Variants in DST observed in about 807,000 individuals in gnomAD.
The protein encoded by DST is dystonin, also known as bullous pemphigoid antigen.
Under a neutral mutation model 875.2 loss-of-function variants are expected in DST, and 253 were observed. That is an observed-to-expected ratio of 0.29 (90% CI 0.26 to 0.32). The LOEUF (loss-of-function observed/expected upper bound fraction) is 0.32. Ranked by LOEUF, DST falls within the 10% of genes least tolerant of loss-of-function variation. The pLI, the probability that DST is intolerant of heterozygous loss-of-function variation, is 1.00. For missense variants in DST, 8,287 were observed against 9,111.6 expected (o/e 0.91, Z 3.68); for synonymous variants, 3,124 against 3,197.1 (o/e 0.98, Z 0.77).
chr6:56,946,050 G>A (rs1432583684), intron 2 of DST, among the ~76,000 whole-genome samples: 2 of 152,134 alleles, frequency 1.3e-5, no homozygotes, highest in South Asian at 2.1e-4. Flanking sequence ...TGTATGGTAC[G>A]TAAATTATAT....
chr6:56,826,542 T>G (rs766195800), intron 4 of DST, among the ~76,000 whole-genome samples: 5 of 152,220 alleles, frequency 3.3e-5, no homozygotes, highest in African/African-American at 4.8e-5. Context: ...TTTTCATAGC[T>G]CTCTCTGTTT....
At chr6:56,501,906 T>C (rs901547635) in intron 78 of DST, among the ~76,000 whole-genome samples, 1 of 152,116 alleles carries the variant, frequency 6.6e-6, no homozygotes, top group African/African-American at 2.4e-5. Flanking sequence ...TTTGGATGGA[T>C]AGATGTTTCT....
In DST at chr6:56,628,016, G is replaced by C. The variant is rs2098748551; in HGVS notation, c.4621C>G (p.Gln1541Glu). ...QPENSKTLAT[Q>E]LNQQKMLVSE... ...TTACATACCTTCTGTTGATTCAACT[G>C]TGTGGCTAGGGTTTTACTATTTTCA... The change falls in exon 33 of 104, where the codon CAG becomes GAG. Residue 1541 changes from glutamine (Q) to glutamate (E), a missense_variant. Around this residue, in one of 10 missense-constraint regions of DST, gnomAD observed 3,138 missense variants for 3,116.6 expected, o/e 1.01. Coordinates refer to ENST00000680361, the MANE Select transcript of DST (RefSeq NM_001374736.1). 3 of 1,613,700 alleles carry C rather than the reference G, an allele frequency of 1.9e-6. No individual in the cohort carries two copies. The highest frequency in any genetic ancestry group is 2.7e-5 in the African/African-American group (2 of 74,900).
At chr6:56,855,904 G>A (rs1305101418) in intron 3 of DST, among the ~76,000 whole-genome samples, 1 of 152,214 alleles carries the variant, frequency 6.6e-6, no homozygotes, top group African/African-American at 2.4e-5. Context: ...GGCATGGGGA[G>A]AAAGTGTGAA....
intron 82 of DST, among the ~76,000 whole-genome samples, chr6:56,495,724 A>G (rs1260866821): frequency 6.6e-6 from 1 of 152,064 alleles, no homozygotes; most frequent in Non-Finnish European, 1.5e-5. Context: ...AAAAACCAAT[A>G]ACGACAACAA....
At chr6:56,946,085 T>C (rs191571631) in intron 2 of DST, among the ~76,000 whole-genome samples, 103 of 152,256 alleles carry the variant, frequency 6.8e-4, no homozygotes, top group African/African-American at 2.2e-3. Flanking sequence ...TTTCTTCTTT[T>C]AAGTAGGCCC....
At chr6:56,677,238 C>G (rs80043103) in intron 9 of DST, among the ~76,000 whole-genome samples, 8,820 of 152,152 alleles carry the variant, frequency 0.058, 809 homozygotes, top group African/African-American at 0.19. Context: ...ATAGAAAATT[C>G]TACAAATGTT....
rs534162068 is a variant in DST, at chr6:56,577,712, G to T, written c.13027+1102C>A. ...AACATATGTCTAATCATCTGTTGTG[G>T]AATATTTTTACTTCACATATTCACA... is the stretch of plus-strand genomic sequence containing the variant. On this transcript the variant is annotated intron_variant, in intron 50 of 103. Transcript: ENST00000680361. 5.5e-4 allele frequency among the ~76,000 whole-genome samples: 83 copies of T among 152,030 alleles called. No individual in the cohort carries two copies. In the Middle Eastern group the frequency reaches 0.014, roughly 25 times the overall value.
rs2097400817 is a variant in DST, at chr6:56,555,590, C to G, written c.14891G>C (p.Ser4964Thr). 4 of 1,614,024 alleles carry G rather than the reference C, an allele frequency of 2.5e-6. No individual in the cohort carries two copies. The highest frequency in any genetic ancestry group is 3.4e-6 in the Non-Finnish European group (4 of 1,179,892). Residue 4964 changes from serine to threonine, a missense_variant, in exon 60 of 104, where the codon AGT becomes ACT. By Grantham distance (58) the Ser-to-Thr change is moderately conservative (BLOSUM62 1). This residue lies in a region of DST where 1,513 missense variants were observed against 1,677.8 expected (regional missense o/e 0.90). Transcript: ENST00000680361. ...GCTGCTGAGTTTATTATCCAAGTCA[C>G]TCAGTTTATCAGAAAGGCTTCTCAG... ...SLLRSLSDKL[S>T]DLDNKLSSSL...
intron 4 of DST, among the ~76,000 whole-genome samples, chr6:56,743,288 T>C (rs900864780): frequency 1.3e-5 from 2 of 151,932 alleles, no homozygotes; most frequent in Middle Eastern, 3.2e-3. Context: ...CAAACAAAAA[T>C]GATCACTACT....
chr6:56,738,512 G>A (rs1439071328), intron 4 of DST, among the ~76,000 whole-genome samples: 7 of 152,066 alleles, frequency 4.6e-5, no homozygotes. Context: ...AGTACAGATG[G>A]GGTTTCACCG....
At chr6:56,511,425 A>G (rs1562471394) in intron 72 of DST, 25 bp from the exon 73 acceptor site, 1 of 1,569,834 alleles carries the variant, frequency 6.4e-7, no homozygotes, top group Non-Finnish European at 8.6e-7. Flanking sequence ...ACAGCTTTTC[A>G]GTATCTCAGG....
chr6:56,807,236 G>T (rs1380506088), intron 4 of DST, among the ~76,000 whole-genome samples: 1 of 152,122 alleles, frequency 6.6e-6, no homozygotes, highest in Non-Finnish European at 1.5e-5. Flanking sequence ...ATGTTGTCCA[G>T]ATTGGTCTTG....
chr6:56,709,913 T>C (rs541692344), intron 5 of DST, among the ~76,000 whole-genome samples: 2 of 152,032 alleles, frequency 1.3e-5, no homozygotes, highest in East Asian at 1.9e-4. Context: ...CAAAACTACA[T>C]ATGAGTTGCA....
At chr6:56,784,492 T>C (rs2152996430) in intron 4 of DST, among the ~76,000 whole-genome samples, 1 of 152,376 alleles carries the variant, frequency 6.6e-6, no homozygotes, top group South Asian at 2.1e-4. Flanking sequence ...CCATCGCTGA[T>C]ACCCTTTCTT....
chr6:56,871,245 G>T, intron 3 of DST: 1 of 773,092 alleles, frequency 1.3e-6, no homozygotes. Flanking sequence ...CAAATCAAGA[G>T]GTTCAAATCT....
chr6:56,894,909 T>C (rs1350134754), intron 3 of DST, among the ~76,000 whole-genome samples: 1 of 51,688 alleles, frequency 1.9e-5, no homozygotes, highest in Non-Finnish European at 3.4e-5. Context: ...GAGGGGCTCC[T>C]CACTTCCCAG....
At chr6:56,864,254 C>G (rs1241347613) in intron 3 of DST, among the ~76,000 whole-genome samples, 1 of 152,202 alleles carries the variant, frequency 6.6e-6, no homozygotes, top group Non-Finnish European at 1.5e-5. Context: ...AATTTCTAGC[C>G]TGCTGGCCTG....
chr6:56,536,617 T>C (rs2097006547), intron 62 of DST, among the ~76,000 whole-genome samples, 162 bp downstream of exon 62: 1 of 152,230 alleles, frequency 6.6e-6, no homozygotes, highest in Non-Finnish European at 1.5e-5. Flanking sequence ...ATTCCCTACC[T>C]AGCTCCAGTA....
Sources: allele counts gnomAD v4.1 joint callset (sites outside exome capture counted in the v4.1 genomes callset), GRCh38; gene constraint gnomAD v4.1.1; regional missense constraint gnomAD v4.1.1; transcripts MANE v1.5; gene names NCBI Gene and HGNC (gene_info 2026-07-23, HGNC 2026-07-21).